The following SLC44A5 variants were observed in gnomAD, a reference collection of about 807,000 sequenced individuals.
SLC44A5 encodes solute carrier family 44 member 5.
SLC44A5 carries 57 observed loss-of-function variants against 101.8 expected under a neutral mutation model. That is an observed-to-expected ratio of 0.56 (90% CI 0.45 to 0.70). The LOEUF (loss-of-function observed/expected upper bound fraction) is 0.70, where lower values mean the gene tolerates loss of function less well. SLC44A5 is among the 30% of genes least tolerant of loss of function. The pLI is 0.00. For missense variants in SLC44A5, 737 were observed against 853.1 expected (o/e 0.86, Z 1.70); for synonymous variants, 281 against 290.9 (o/e 0.97, Z 0.35).
chr1:75,448,635 C>G (rs1377746264), intron 2 of SLC44A5, among the ~76,000 whole-genome samples: 1 of 152,168 alleles, frequency 6.6e-6, no homozygotes, highest in Non-Finnish European at 1.5e-5. Flanking sequence ...ACATTTCCCT[C>G]CATTTCCACT....
At chr1:75,643,801 T>C in the SLC44A5 span, among the ~76,000 whole-genome samples, 1 of 152,270 alleles carries the variant, frequency 6.6e-6, no homozygotes, top group Non-Finnish European at 1.5e-5. Flanking sequence ...TGTGGGACTG[T>C]GAGTCCATTA....
intron 1 of SLC44A5, among the ~76,000 whole-genome samples, chr1:75,561,752 T>C (rs1028247046): frequency 1.3e-5 from 2 of 152,174 alleles, no homozygotes; most frequent in African/African-American, 4.8e-5. Flanking sequence ...TCAGCAAACA[T>C]GTTTGAGGTT....
At chr1:75,703,885 C>T in the SLC44A5 span, among the ~76,000 whole-genome samples, 1 of 150,766 alleles carries the variant, frequency 6.6e-6, no homozygotes, top group Non-Finnish European at 1.5e-5. Context: ...ATAAAGGAAT[C>T]AAAGAAAAAA....
chr1:75,463,471 CAAAT>C (rs910243404), intron 2 of SLC44A5, among the ~76,000 whole-genome samples: 1 of 115,268 alleles, frequency 8.7e-6, no homozygotes, highest in African/African-American at 3.2e-5. Flanking sequence ...AGAAAAGAAA[CAAAT>C]AACGTACAAT....
chr1:75,248,444 G>T (rs1369416074), intron 7 of SLC44A5, among the ~76,000 whole-genome samples: 2 of 152,104 alleles, frequency 1.3e-5, no homozygotes, highest in African/African-American at 4.8e-5. Context: ...TTCACCCATG[G>T]GGAATTAGAG....
chr1:75,278,818 T>C (rs1652145937), intron 5 of SLC44A5, among the ~76,000 whole-genome samples: 1 of 152,166 alleles, frequency 6.6e-6, no homozygotes, highest in South Asian at 2.1e-4. Flanking sequence ...GAACAAATTT[T>C]AGCAAATTCT....
At chr1:75,264,052 C>A (rs966862669) in intron 6 of SLC44A5, among the ~76,000 whole-genome samples, 3 of 149,604 alleles carry the variant, frequency 2.0e-5, no homozygotes, top group Non-Finnish European at 4.4e-5. Context: ...ATAGGTACAG[C>A]AAACCACCAT....
chr1:75,712,309 G>T, the SLC44A5 span, among the ~76,000 whole-genome samples: 5,178 of 152,266 alleles, frequency 0.034, 308 homozygotes, highest in African/African-American at 0.12. Context: ...AGTTAAAAAG[G>T]TCTATCTGTG....
At chr1:75,486,157 A>G (rs1205454078) in intron 2 of SLC44A5, among the ~76,000 whole-genome samples, 1 of 152,224 alleles carries the variant, frequency 6.6e-6, no homozygotes. Flanking sequence ...TATTTCTCCT[A>G]CAAAGGAAAC....
chr1:75,468,052 A>G (rs1383792930), intron 2 of SLC44A5, among the ~76,000 whole-genome samples: 1 of 152,210 alleles, frequency 6.6e-6, no homozygotes, highest in Non-Finnish European at 1.5e-5. Flanking sequence ...AAAGGCATAC[A>G]AAAGGCATAT....
At chr1:75,577,366 C>T (rs1673430551) in intron 1 of SLC44A5, among the ~76,000 whole-genome samples, 1 of 152,170 alleles carries the variant, frequency 6.6e-6, no homozygotes, top group African/African-American at 2.4e-5. Flanking sequence ...ACTTTCTGAC[C>T]TCATCTCTGG....
At position 75,541,487 on chromosome 1, in the gene SLC44A5, AC is replaced by A. The variant is rs748219186; in HGVS notation, c.-41del. 5.4e-5 allele frequency: 87 copies of A among 1,607,762 alleles called. No homozygotes were observed. In the Middle Eastern group the frequency reaches 8.3e-4, roughly 15 times the overall value. On this transcript the variant is annotated 5_prime_UTR_variant, in exon 2 of 24. It adds an upstream start codon to the 5' untranslated region. Coordinates refer to ENST00000370859, the MANE Select transcript of SLC44A5 (RefSeq NM_001130058.2). ...GTCTCTTCAGAAGTAGGCCTGAATC[AC>A]TGCAAACTTGAGTTGCTTAGAAAAG...
chr1:75,305,776 T>C lies in SLC44A5; in HGVS notation c.102-5091A>G, dbSNP rs547652969. Among the ~76,000 whole-genome samples the C allele has an allele frequency of 1.1e-4, 17 of 152,350 alleles. No homozygotes were observed. The South Asian group carries it at 3.5e-3, about 32-fold the overall frequency. On this transcript the variant is annotated intron_variant, in intron 4 of 23. Coordinates refer to ENST00000370859, the MANE Select transcript of SLC44A5 (RefSeq NM_001130058.2). ...CCATTTACTCTCAAAAAAGCTCCAG[T>C]GTGGATCGCCACATTCTATACTAAA...
At chr1:75,278,733 G>A (rs973188963) in intron 5 of SLC44A5, among the ~76,000 whole-genome samples, 1 of 152,084 alleles carries the variant, frequency 6.6e-6, no homozygotes, top group African/African-American at 2.4e-5. Context: ...TTAAGTGCAG[G>A]AGGAAATATG....
chr1:75,453,158 AT>A (rs1323647809), intron 2 of SLC44A5, among the ~76,000 whole-genome samples: 1 of 152,136 alleles, frequency 6.6e-6, no homozygotes, highest in African/African-American at 2.4e-5. Flanking sequence ...GTCTCAATAA[AT>A]TTTCAAAAAC....
At chr1:75,467,288 T>C (rs1024910764) in intron 2 of SLC44A5, among the ~76,000 whole-genome samples, 1 of 152,040 alleles carries the variant, frequency 6.6e-6, no homozygotes. Context: ...TCAATCACTA[T>C]CAAAATACCA....
rs796665178 is a variant in SLC44A5 at position 75,302,942 on chromosome 1, CAT to C, written c.102-2259_102-2258del. 2.6e-5 allele frequency among the ~76,000 whole-genome samples: 4 copies of C among 152,264 alleles called. 1 individual carries two copies. Among genetic ancestry groups the C allele is most frequent in the African/African-American group, 9.6e-5 (4 of 41,544 alleles). ...ATTCAGAACAGTGGGCAATTTAAGA[CAT>C]AAATTATTTATTTCTATAATTTTCT... On this transcript the variant is annotated intron_variant, in intron 4 of 23. Transcript: ENST00000370859.
At chr1:75,376,809 G>A (rs1483677019) in intron 3 of SLC44A5, among the ~76,000 whole-genome samples, 3 of 152,202 alleles carry the variant, frequency 2.0e-5, no homozygotes, top group African/African-American at 7.2e-5. Flanking sequence ...CACCAGCAAT[G>A]GAACAAAGCT....
chr1:75,595,638 C>A (rs1336123409), intron 1 of SLC44A5, among the ~76,000 whole-genome samples: 1 of 152,128 alleles, frequency 6.6e-6, no homozygotes, highest in African/African-American at 2.4e-5. Context: ...AATTTCAGCT[C>A]ACTGGCTGGC....
Sources: allele counts gnomAD v4.1 joint callset (sites outside exome capture counted in the v4.1 genomes callset), GRCh38; gene constraint gnomAD v4.1.1; transcripts MANE v1.5; gene names NCBI Gene and HGNC (gene_info 2026-07-23, HGNC 2026-07-21).